UBE4B: variants seen among roughly 807,000 people sequenced by gnomAD.
The protein encoded by UBE4B is ubiquitination factor E4B, also known as ubiquitin conjugation factor E4 B.
A neutral mutation model predicts 148.1 loss-of-function variants in UBE4B; 27 were observed. That is an observed-to-expected ratio of 0.18 (90% CI 0.13 to 0.25). The LOEUF (loss-of-function observed/expected upper bound fraction) is 0.25. Among genes scored for constraint, UBE4B ranks in the 10% least tolerant of loss-of-function variants. UBE4B has a pLI of 1.00. For synonymous variants in UBE4B, 596 were observed against 619.3 expected (o/e 0.96, Z 0.56); for missense variants, 1,170 against 1,662.4 (o/e 0.70, Z 5.15).
chr1:10,108,130 G>A (rs1029722833), intron 7 of UBE4B, among the ~76,000 whole-genome samples: 1 of 151,956 alleles, frequency 6.6e-6, no homozygotes, highest in South Asian at 2.1e-4. Context: ...CGGGAGAGGG[G>A]CTGGGATTTG....
At chr1:10,177,212 G>A (rs1646441278) in intron 25 of UBE4B, among the ~76,000 whole-genome samples, 1 of 151,734 alleles carries the variant, frequency 6.6e-6, no homozygotes, top group African/African-American at 2.4e-5. Context: ...CCCAAGGCTA[G>A]GTACTTTATG....
At chr1:10,063,680 G>A (rs991344732) in intron 1 of UBE4B, among the ~76,000 whole-genome samples, 9 of 152,042 alleles carry the variant, frequency 5.9e-5, no homozygotes, top group Non-Finnish European at 1.2e-4. Flanking sequence ...CAAGTCAGGC[G>A]GATCACTTGA....
At chr1:10,084,807 A>G (rs990193818) in intron 2 of UBE4B, among the ~76,000 whole-genome samples, 1 of 149,136 alleles carries the variant, frequency 6.7e-6, no homozygotes, top group East Asian at 2.0e-4. Context: ...AAGCAATTCT[A>G]CTGCCTTAGC....
intron 1 of UBE4B, among the ~76,000 whole-genome samples, chr1:10,050,758 A>G (rs2101792773): frequency 7.1e-6 from 1 of 139,988 alleles, no homozygotes. Flanking sequence ...GAGTTTCACT[A>G]TGTTGCCATG....
rs1344930823 is a variant in UBE4B, at chr1:10,147,077, C to CCCGCATAT, written c.2581_2588dup (p.Asp864HisfsTer5). 2 of 1,614,122 alleles carry CCCGCATAT rather than the reference C, an allele frequency of 1.2e-6. No homozygotes were observed. Among genetic ancestry groups the CCCGCATAT allele is most frequent in the Non-Finnish European group, 8.5e-7 (1 of 1,180,018 alleles). On this transcript the variant is annotated frameshift_variant, in exon 19 of 28. Coordinates refer to ENST00000343090, the MANE Select transcript of UBE4B (RefSeq NM_001105562.3). LOFTEE classifies it high-confidence loss of function. ...TCAGCTGCTGCTCCGCATCCTGGAC[C>CCCGCATAT]CCGCATATCCCGAGTGAGTGTGCTT...
intron 2 of UBE4B, among the ~76,000 whole-genome samples, chr1:10,092,039 G>A (rs1451196576): frequency 6.6e-6 from 1 of 151,852 alleles, no homozygotes; most frequent in Admixed American, 6.6e-5. Context: ...TGTGAGGCAC[G>A]ACTGACCATC....
chr1:10,176,784 C>CTTTTTTTT (rs946016031), intron 25 of UBE4B, among the ~76,000 whole-genome samples: 20 of 121,770 alleles, frequency 1.6e-4, no homozygotes, highest in African/African-American at 3.7e-4. Flanking sequence ...TTTTCTTTTT[C>CTTTTTTTT]TTTTTTTTTT....
At chr1:10,083,873 C>T (rs1220003858) in intron 2 of UBE4B, among the ~76,000 whole-genome samples, 1 of 152,180 alleles carries the variant, frequency 6.6e-6, no homozygotes, top group Non-Finnish European at 1.5e-5. Context: ...TATCTTACAG[C>T]ATTATTCCTA....
intron 2 of UBE4B, among the ~76,000 whole-genome samples, chr1:10,077,709 G>A (rs570748028): frequency 6.6e-6 from 1 of 152,284 alleles, no homozygotes; most frequent in Non-Finnish European, 1.5e-5. Flanking sequence ...TGGATTGTCT[G>A]TTTTTCCTGA....
Position 10,033,630 on chromosome 1 carries a change from A to G in UBE4B, c.-41A>G. The G allele has an allele frequency of 6.6e-7, 1 of 1,516,120 alleles. No individual in the cohort carries two copies. The highest frequency in any genetic ancestry group is 8.8e-7 in the Non-Finnish European group (1 of 1,130,614). The allele number at this position is 1,516,120 out of a possible 1,614,324, so 93.9% of individuals were successfully genotyped here. A position where few individuals can be genotyped will look rare whatever the true frequency, so the allele number is the denominator to read the frequency against. ...CTCCCGCCGTGGTCTCGAGAACAGA[A>G]GGATCTCTCCTTAACGCCTTTCACC... On this transcript the variant is annotated 5_prime_UTR_variant, in exon 1 of 28. Transcript: ENST00000343090.
chr1:10,118,016 C>T (rs1040745454), intron 8 of UBE4B, among the ~76,000 whole-genome samples: 4 of 152,290 alleles, frequency 2.6e-5, no homozygotes, highest in Admixed American at 6.5e-5. Flanking sequence ...CAGTGGAACC[C>T]GGTATAACAT....
intron 7 of UBE4B, among the ~76,000 whole-genome samples, chr1:10,116,922 T>G (rs1225491411): frequency 6.6e-6 from 1 of 152,120 alleles, no homozygotes; most frequent in Non-Finnish European, 1.5e-5. Flanking sequence ...AGTTTTAGAG[T>G]TTTTATGTCG....
intron 23 of UBE4B, among the ~76,000 whole-genome samples, chr1:10,166,941 T>TCA (rs559608777): frequency 0.056 from 7,362 of 131,252 alleles, 234 homozygotes; most frequent in South Asian, 0.093. Flanking sequence ...AATAAATAAA[T>TCA]CACACACACA....
At chr1:10,042,258 C>T (rs944533538) in intron 1 of UBE4B, among the ~76,000 whole-genome samples, 1 of 152,152 alleles carries the variant, frequency 6.6e-6, no homozygotes, top group Non-Finnish European at 1.5e-5. Context: ...TTCCTGTAAA[C>T]GGTTCATTCA....
Position 10,179,511 on chromosome 1 carries a change from C to T in UBE4B, c.3796C>T (p.Pro1266Ser), listed in dbSNP as rs146686475. 1 of 1,613,994 alleles carries T rather than the reference C, an allele frequency of 6.2e-7. No individual in the cohort carries two copies. The highest frequency in any genetic ancestry group is 8.5e-7 in the Non-Finnish European group (1 of 1,180,018). ...SIILRHLLNS[P>S]TDPFNRQTLT... ...CATCCTGCGGCACCTGCTCAACTCC[C>T]CCACGGACCCCTTCAACCGGCAGAC... The change falls in exon 27 of 28, where the codon CCC (proline) becomes TCC (serine). Residue 1266 changes from proline (P) to serine (S), a missense_variant. Physicochemically the swap from Pro to Ser is moderately conservative, Grantham distance 74 (BLOSUM62 -1). Around this residue, in one of 6 missense-constraint regions of UBE4B, gnomAD observed 348 missense variants for 627.2 expected, o/e 0.55. Transcript: ENST00000343090.
chr1:10,146,862 A>T, intron 18 of UBE4B, 101 bp from the exon 19 acceptor site: 1 of 1,454,580 alleles, frequency 6.9e-7, no homozygotes, highest in African/African-American at 1.4e-5. Context: ...GAAGCTCTGG[A>T]ACCCAAATTT....
chr1:10,130,330 A>G (rs1645572789), intron 12 of UBE4B, among the ~76,000 whole-genome samples, 170 bp from the exon 13 acceptor site: 1 of 150,958 alleles, frequency 6.6e-6, no homozygotes, highest in African/African-American at 2.4e-5. Context: ...CCCCACCCAC[A>G]CTGGCCTCCC....
At chr1:10,113,038 A>G (rs1645247312) in intron 7 of UBE4B, among the ~76,000 whole-genome samples, 1 of 152,158 alleles carries the variant, frequency 6.6e-6, no homozygotes, top group African/African-American at 2.4e-5. Context: ...ATTGCCATAC[A>G]GAAAGGGTAA....
chr1:10,130,678 A>G (rs895371731), intron 13 of UBE4B, 37 bp from the exon 14 acceptor site: 2 of 1,612,864 alleles, frequency 1.2e-6, no homozygotes, highest in Admixed American at 3.3e-5. Context: ...CCAAATGTGC[A>G]TTATATGTTG....
Sources: gnomAD v4.1 joint callset for allele counts (sites outside exome capture counted in the v4.1 genomes callset) on GRCh38, gnomAD v4.1.1 for gene constraint, gnomAD v4.1.1 regional missense constraint, MANE v1.5 for transcripts, NCBI Gene and HGNC (gene_info 2026-07-23, HGNC 2026-07-21) for gene names.